The following NRCAM variants were observed in gnomAD, a reference collection of about 807,000 sequenced individuals.
NRCAM encodes the protein NgCAM-related cell adhesion molecule.
In NRCAM, 83 loss-of-function variants were observed where a neutral mutation model predicts 156.5. That is an observed-to-expected ratio of 0.53 (90% CI 0.44 to 0.64). The LOEUF (loss-of-function observed/expected upper bound fraction) is 0.64. Ranked by LOEUF, NRCAM falls within the 30% of genes least tolerant of loss-of-function variation. The probability of loss-of-function intolerance (pLI) is 0.00; values close to 1 mark genes in which losing one functional copy is unlikely to be tolerated. For missense variants in NRCAM, 1,417 were observed against 1,597.3 expected (o/e 0.89, Z 1.92); for synonymous variants, 538 against 563.9 (o/e 0.95, Z 0.65).
At chr7:108,304,340 C>T (rs1171472303) in intron 3 of NRCAM, among the ~76,000 whole-genome samples, 1 of 151,900 alleles carries the variant, frequency 6.6e-6, no homozygotes, top group Non-Finnish European at 1.5e-5. Context: ...ACTCCTAGAG[C>T]ACTTTTGGCC....
chr7:108,390,177 T>C (rs922698909), intron 2 of NRCAM, among the ~76,000 whole-genome samples: 1 of 152,200 alleles, frequency 6.6e-6, no homozygotes, highest in African/African-American at 2.4e-5. Flanking sequence ...TGAATCCATC[T>C]GGTCCTGGAC....
intron 3 of NRCAM, among the ~76,000 whole-genome samples, chr7:108,255,375 C>T (rs2153952952): frequency 6.6e-6 from 1 of 152,348 alleles, no homozygotes; most frequent in South Asian, 2.1e-4. Context: ...GCCGTGTTGG[C>T]TGGGCTGGTC....
intron 7 of NRCAM, 30 bp from the exon 8 acceptor site, chr7:108,231,183 A>C: frequency 6.5e-7 from 1 of 1,527,600 alleles, no homozygotes; most frequent in South Asian, 1.3e-5. Flanking sequence ...CTTCTCAGTT[A>C]TTTCTGCATT....
chr7:108,299,163 A>C (rs1305406475), intron 3 of NRCAM, among the ~76,000 whole-genome samples: 2 of 142,862 alleles, frequency 1.4e-5, no homozygotes, highest in African/African-American at 2.6e-5. Flanking sequence ...AAAAAAAAAA[A>C]CCCAAAACAC....
intron 2 of NRCAM, among the ~76,000 whole-genome samples, chr7:108,360,918 ATT>A (rs1210088160): frequency 2.6e-5 from 4 of 152,186 alleles, no homozygotes; most frequent in African/African-American, 9.7e-5. Context: ...TTAGAAAACC[ATT>A]TTTTATATAT....
intron 2 of NRCAM, among the ~76,000 whole-genome samples, chr7:108,370,303 T>C (rs1417722314): frequency 1.3e-5 from 2 of 152,288 alleles, no homozygotes; most frequent in Admixed American, 6.5e-5. Context: ...GGGTGCATTC[T>C]TGTATATTTG....
intron 2 of NRCAM, among the ~76,000 whole-genome samples, chr7:108,346,221 C>T (rs1049215571): frequency 6.6e-6 from 1 of 152,172 alleles, no homozygotes; most frequent in Non-Finnish European, 1.5e-5. Context: ...CACATCCAAT[C>T]CGTTATTTTA....
intron 2 of NRCAM, among the ~76,000 whole-genome samples, chr7:108,321,203 G>A (rs544059305): frequency 2.6e-5 from 4 of 152,298 alleles, no homozygotes; most frequent in South Asian, 2.1e-4. Flanking sequence ...GCCAGGGAAC[G>A]TTCCCAAGGA....
At chr7:108,385,707 T>C (rs1209509988) in intron 2 of NRCAM, among the ~76,000 whole-genome samples, 1 of 152,152 alleles carries the variant, frequency 6.6e-6, no homozygotes, top group Non-Finnish European at 1.5e-5. Flanking sequence ...TACTTTATCC[T>C]TCATGGGATG....
intron 3 of NRCAM, among the ~76,000 whole-genome samples, chr7:108,262,580 T>A (rs563010761): frequency 6.6e-6 from 1 of 152,252 alleles, no homozygotes; most frequent in African/African-American, 2.4e-5. Flanking sequence ...AGCAGACAAA[T>A]CCTTATAAGT....
At chr7:108,217,245 G>A (rs964355296) in intron 11 of NRCAM, among the ~76,000 whole-genome samples, 5 of 152,226 alleles carry the variant, frequency 3.3e-5, no homozygotes, top group South Asian at 4.1e-4. Context: ...TATCACCAGC[G>A]AAGGCTGCAG....
At chr7:108,339,183 G>T (rs1056546327) in intron 2 of NRCAM, among the ~76,000 whole-genome samples, 1 of 152,120 alleles carries the variant, frequency 6.6e-6, no homozygotes, top group Non-Finnish European at 1.5e-5. Context: ...CCATACAAAG[G>T]TCTGACCAGA....
At chr7:108,327,875 T>C (rs1010493207) in intron 2 of NRCAM, among the ~76,000 whole-genome samples, 6 of 152,160 alleles carry the variant, frequency 3.9e-5, no homozygotes, top group African/African-American at 1.2e-4. Flanking sequence ...TGCTACACTT[T>C]GCACACAAAA....
chr7:108,218,101 G>T (rs550311441), intron 11 of NRCAM, among the ~76,000 whole-genome samples: 1 of 151,020 alleles, frequency 6.6e-6, no homozygotes, highest in Non-Finnish European at 1.5e-5. Flanking sequence ...CATGGGCAAA[G>T]CATACTATCT....
chr7:108,354,809 G>C (rs1335486910), intron 2 of NRCAM, among the ~76,000 whole-genome samples: 1 of 151,880 alleles, frequency 6.6e-6, no homozygotes, highest in Non-Finnish European at 1.5e-5. Flanking sequence ...CAGGAGAATC[G>C]CTTGAACCCA....
At chr7:108,440,354 C>T (rs1251415115) in intron 1 of NRCAM, among the ~76,000 whole-genome samples, 1 of 152,060 alleles carries the variant, frequency 6.6e-6, no homozygotes, top group Non-Finnish European at 1.5e-5. Context: ...TACCATAATT[C>T]CATTTTTTAA....
chr7:108,238,213 T>C (rs2095264729), intron 4 of NRCAM, among the ~76,000 whole-genome samples: 1 of 152,324 alleles, frequency 6.6e-6, no homozygotes, highest in Non-Finnish European at 1.5e-5. Flanking sequence ...CAATGGGACA[T>C]TGCTACAGTG....
At chr7:108,183,600 A>T (rs1310888676) in intron 22 of NRCAM, among the ~76,000 whole-genome samples, 1 of 150,078 alleles carries the variant, frequency 6.7e-6, no homozygotes, top group Non-Finnish European at 1.5e-5. Context: ...GCAGTGGTGT[A>T]ATCTCGGCGC....
intron 1 of NRCAM, among the ~76,000 whole-genome samples, chr7:108,445,980 T>G (rs1843692889): frequency 6.6e-6 from 1 of 152,192 alleles, no homozygotes; most frequent in Non-Finnish European, 1.5e-5. Flanking sequence ...TCACTTCTGA[T>G]TTCTTCAAAT....
Sources: gnomAD v4.1 joint callset for allele counts (sites outside exome capture counted in the v4.1 genomes callset) on GRCh38, gnomAD v4.1.1 for gene constraint, MANE v1.5 for transcripts, NCBI Gene and HGNC (gene_info 2026-07-23, HGNC 2026-07-21) for gene names.